Variants in LRRC4C observed in about 807,000 individuals in gnomAD.
LRRC4C encodes leucine-rich repeat-containing protein 4C.
LRRC4C carries 5 observed loss-of-function variants against 33.6 expected under a neutral mutation model. The observed-to-expected ratio is 0.15, with a 90% CI of 0.08 to 0.31. The LOEUF (loss-of-function observed/expected upper bound fraction) is 0.31. LRRC4C is among the 10% of genes least tolerant of loss of function. LRRC4C has a pLI of 1.00. For synonymous variants in LRRC4C, 329 were observed against 302.0 expected (o/e 1.09, Z -0.93); for missense variants, 560 against 796.7 (o/e 0.70, Z 3.58).
intron 2 of LRRC4C, among the ~76,000 whole-genome samples, chr11:40,687,102 G>GT (rs1374207479): frequency 6.6e-6 from 1 of 152,082 alleles, no homozygotes; most frequent in Admixed American, 6.6e-5. Flanking sequence ...CTTGAAACTT[G>GT]TTTTTTAAGA....
intron 1 of LRRC4C, among the ~76,000 whole-genome samples, chr11:41,230,112 T>C (rs767515659): frequency 2.0e-5 from 3 of 152,110 alleles, no homozygotes; most frequent in Non-Finnish European, 4.4e-5. Context: ...GAAATATTGG[T>C]ATTTTCAGAG....
intron 1 of LRRC4C, among the ~76,000 whole-genome samples, chr11:41,382,796 G>A (rs1330053267): frequency 1.3e-5 from 2 of 152,150 alleles, no homozygotes; most frequent in Non-Finnish European, 2.9e-5. Context: ...GGCAACATAG[G>A]TTTGCAAGCT....
chr11:41,021,720 G>A (rs1855996414), intron 1 of LRRC4C, among the ~76,000 whole-genome samples: 3 of 151,930 alleles, frequency 2.0e-5, no homozygotes, highest in African/African-American at 7.2e-5. Context: ...TAAAAGTCTT[G>A]CTTTCTGCCT....
chr11:40,936,438 C>T (rs1028529551), intron 1 of LRRC4C, among the ~76,000 whole-genome samples: 10 of 148,904 alleles, frequency 6.7e-5, no homozygotes, highest in African/African-American at 2.5e-4. Context: ...CCCAGGTTTA[C>T]GCCATTCTCC....
At chr11:40,912,625 G>T (rs1317165201) in intron 2 of LRRC4C, among the ~76,000 whole-genome samples, 1 of 152,154 alleles carries the variant, frequency 6.6e-6, no homozygotes, top group South Asian at 2.1e-4. Context: ...AGGCTAGGAA[G>T]AAACTGCATC....
In LRRC4C at chr11:40,707,580, A is replaced by T. The variant is rs554219248; in HGVS notation, c.-406-59302T>A. On this transcript the variant is annotated intron_variant, in intron 2 of 6. Transcript: ENST00000528697. The stretch of plus-strand genomic sequence containing the variant: ...GAAGCCAACTTGACCTTGGTGGATA[A>T]GCTTTTTGATGTGCTGCTGGATTTG... 2.0e-5 allele frequency among the ~76,000 whole-genome samples: 3 copies of T among 152,310 alleles called. No homozygotes were observed. The East Asian group carries it at 5.8e-4, about 29-fold the overall frequency.
intron 1 of LRRC4C, among the ~76,000 whole-genome samples, chr11:41,182,694 TC>T (rs1191612197): frequency 6.6e-6 from 1 of 152,166 alleles, no homozygotes; most frequent in African/African-American, 2.4e-5. Flanking sequence ...CTCAAAAAAT[TC>T]CTTGTTATGT....
At chr11:41,264,830 T>C (rs1289902828) in intron 1 of LRRC4C, among the ~76,000 whole-genome samples, 1 of 152,112 alleles carries the variant, frequency 6.6e-6, no homozygotes, top group Non-Finnish European at 1.5e-5. Flanking sequence ...CGTACAACCA[T>C]GTATCAGGCT....
intron 3 of LRRC4C, among the ~76,000 whole-genome samples, chr11:40,636,256 T>C (rs1249198995): frequency 6.6e-6 from 1 of 152,176 alleles, no homozygotes; most frequent in African/African-American, 2.4e-5. Flanking sequence ...CTACCCATTG[T>C]GGAAACGGAG....
chr11:40,364,759 T>C (rs1367504226), intron 3 of LRRC4C, among the ~76,000 whole-genome samples: 1 of 151,988 alleles, frequency 6.6e-6, no homozygotes, highest in African/African-American at 2.4e-5. Context: ...CCACCATAAT[T>C]ATATTGCATA....
intron 3 of LRRC4C, among the ~76,000 whole-genome samples, chr11:40,476,352 T>C (rs958745092): frequency 6.9e-6 from 1 of 145,424 alleles, no homozygotes; most frequent in African/African-American, 2.5e-5. Flanking sequence ...CTTTTTTTTT[T>C]TTTTTTTTTT....
At chr11:40,552,479 T>C (rs1030484691) in intron 3 of LRRC4C, among the ~76,000 whole-genome samples, 4 of 152,122 alleles carry the variant, frequency 2.6e-5, no homozygotes, top group African/African-American at 7.2e-5. Context: ...GAAATCTCTA[T>C]ATTTAAGGAA....
At chr11:40,347,686 G>A (rs1420752663) in intron 3 of LRRC4C, among the ~76,000 whole-genome samples, 1 of 152,158 alleles carries the variant, frequency 6.6e-6, no homozygotes, top group Non-Finnish European at 1.5e-5. Context: ...TTGGCTCAGC[G>A]CAAACTCTGC....
intron 3 of LRRC4C, among the ~76,000 whole-genome samples, chr11:40,337,986 C>A: frequency 6.6e-6 from 1 of 152,210 alleles, no homozygotes; most frequent in East Asian, 1.9e-4. Context: ...ATATGCCCTA[C>A]AACTCTTACC....
chr11:40,905,080 G>T (rs1290972177), intron 2 of LRRC4C, among the ~76,000 whole-genome samples: 1 of 152,090 alleles, frequency 6.6e-6, no homozygotes, highest in Non-Finnish European at 1.5e-5. Context: ...GTCTGAAGTT[G>T]TACAGGAGTG....
intron 1 of LRRC4C, among the ~76,000 whole-genome samples, chr11:41,147,708 T>A (rs1391929530): frequency 1.3e-5 from 2 of 152,208 alleles, no homozygotes; most frequent in African/African-American, 4.8e-5. Context: ...CTATTACAAC[T>A]TCAGACACAA....
chr11:40,490,572 A>G (rs533881668), intron 3 of LRRC4C, among the ~76,000 whole-genome samples: 11 of 152,288 alleles, frequency 7.2e-5, no homozygotes, highest in Middle Eastern at 3.4e-3. Context: ...TTTGGTCTCC[A>G]CTTTCTCTTA....
intron 5 of LRRC4C, among the ~76,000 whole-genome samples, chr11:40,145,833 C>A (rs760563927): frequency 1.3e-5 from 2 of 152,046 alleles, no homozygotes; most frequent in Non-Finnish European, 2.9e-5. Flanking sequence ...GTATAAGGAC[C>A]AGGACAATAT....
At chr11:40,424,773 A>G (rs2137782163) in intron 3 of LRRC4C, among the ~76,000 whole-genome samples, 1 of 152,362 alleles carries the variant, frequency 6.6e-6, no homozygotes, top group African/African-American at 2.4e-5. Context: ...TTGACTAGGC[A>G]CAAAATATTT....
Sources: allele counts gnomAD v4.1 joint callset (sites outside exome capture counted in the v4.1 genomes callset), GRCh38; gene constraint gnomAD v4.1.1; transcripts MANE v1.5; gene names NCBI Gene and HGNC (gene_info 2026-07-23, HGNC 2026-07-21).